Variants in LRRC4C observed in about 807,000 individuals in gnomAD.
LRRC4C encodes leucine-rich repeat-containing protein 4C.
In LRRC4C, 5 loss-of-function variants were observed where a neutral mutation model predicts 33.6. That is an observed-to-expected ratio of 0.15 (90% CI 0.08 to 0.31). The LOEUF is 0.31. Ranked by LOEUF, LRRC4C falls within the 10% of genes least tolerant of loss-of-function variation. The pLI is 1.00. For synonymous variants in LRRC4C, 329 were observed against 302.0 expected, an observed-to-expected ratio of 1.09 and a Z score of -0.93; for missense variants, 560 against 796.7, an observed-to-expected ratio of 0.70 and a Z score of 3.58.
intron 1 of LRRC4C, among the ~76,000 whole-genome samples, chr11:41,406,706 CCACA>C (rs112867786): frequency 0.035 from 4,887 of 138,208 alleles, 96 homozygotes; most frequent in South Asian, 0.072. Context: ...TACACATTCA[CCACA>C]CACACACACA....
At chr11:40,365,627 AT>A (rs140543276) in intron 3 of LRRC4C, among the ~76,000 whole-genome samples, 1 of 151,762 alleles carries the variant, frequency 6.6e-6, no homozygotes, top group Non-Finnish European at 1.5e-5. Context: ...AGGGCTAAAC[AT>A]TTTTTTTAAA....
intron 5 of LRRC4C, among the ~76,000 whole-genome samples, chr11:40,240,224 G>GA (rs1865840690): frequency 6.6e-6 from 1 of 151,908 alleles, no homozygotes; most frequent in Non-Finnish European, 1.5e-5. Flanking sequence ...AACACAAAAA[G>GA]AAAAAAGATT....
At chr11:40,214,311 C>T (rs1863820120) in intron 5 of LRRC4C, among the ~76,000 whole-genome samples, 1 of 152,074 alleles carries the variant, frequency 6.6e-6, no homozygotes, top group African/African-American at 2.4e-5. Flanking sequence ...GGATTATATA[C>T]CTGGGATCCA....
At chr11:40,502,794 CTTGGTTTATTTCTCTGTCTTCATCAAAG>C (rs1211136261) in intron 3 of LRRC4C, among the ~76,000 whole-genome samples, 9 of 152,186 alleles carry the variant, frequency 5.9e-5, no homozygotes, top group African/African-American at 2.2e-4. Context: ...TTGATCACGA[CTTGGTTTATTTCTCTGTCTTCATCAAAG>C]TTATAGGTAA....
intron 1 of LRRC4C, among the ~76,000 whole-genome samples, chr11:41,447,640 T>G: frequency 6.6e-6 from 1 of 152,176 alleles, no homozygotes; most frequent in East Asian, 1.9e-4. Context: ...AAGGTCGTAA[T>G]ACCCATTAAT....
At chr11:40,968,252 G>T (rs1257817383) in intron 1 of LRRC4C, among the ~76,000 whole-genome samples, 1 of 152,078 alleles carries the variant, frequency 6.6e-6, no homozygotes, top group Non-Finnish European at 1.5e-5. Flanking sequence ...AAGACTAAGA[G>T]AGTTGAAGAA....
At chr11:41,393,509 A>G (rs1402932551) in intron 1 of LRRC4C, among the ~76,000 whole-genome samples, 2 of 151,840 alleles carry the variant, frequency 1.3e-5, no homozygotes, top group Non-Finnish European at 2.9e-5. Flanking sequence ...GAGAGCAGCA[A>G]TCACTCTTTC....
chr11:40,213,659 A>G (rs1863771705), intron 5 of LRRC4C, among the ~76,000 whole-genome samples: 1 of 152,158 alleles, frequency 6.6e-6, no homozygotes, highest in Non-Finnish European at 1.5e-5. Context: ...ATATAGATAT[A>G]TCTACATCTG....
intron 2 of LRRC4C, among the ~76,000 whole-genome samples, chr11:40,667,867 C>T (rs1565617597): frequency 6.6e-6 from 1 of 152,258 alleles, no homozygotes; most frequent in South Asian, 2.1e-4. Context: ...TAAGCTGTGC[C>T]CGGACTCTGA....
At chr11:40,203,823 T>G (rs540281652) in intron 5 of LRRC4C, among the ~76,000 whole-genome samples, 1 of 152,232 alleles carries the variant, frequency 6.6e-6, no homozygotes, top group Admixed American at 6.5e-5. Flanking sequence ...GATAAATATC[T>G]AAATGAATGG....
intron 1 of LRRC4C, among the ~76,000 whole-genome samples, chr11:41,200,258 T>A (rs1459962212): frequency 6.6e-6 from 1 of 152,154 alleles, no homozygotes. Context: ...TCTAAATACT[T>A]TTTTGACAAA....
Position 40,487,721 on chromosome 11 carries a change from C to G in LRRC4C, c.-270+160421G>C, listed in dbSNP as rs374592765. Reference sequence around the variant, plus strand: ...GGAATTTATATAAATGGTCAACTTACGTAAAACCCTTTATATAATCGTTAA... The same window carrying G: ...GGAATTTATATAAATGGTCAACTTAGGTAAAACCCTTTATATAATCGTTAA... On this transcript the variant is annotated intron_variant, in intron 3 of 6. Transcript: ENST00000528697. Among the ~76,000 whole-genome samples, 17 of 152,054 alleles carry G rather than the reference C, an allele frequency of 1.1e-4. 1 individual carries two copies. The highest frequency in any genetic ancestry group is 1.1e-3 in the Admixed American group (17 of 15,236).
At chr11:41,173,255 G>C (rs1019041846) in intron 1 of LRRC4C, among the ~76,000 whole-genome samples, 4 of 152,078 alleles carry the variant, frequency 2.6e-5, no homozygotes, top group Non-Finnish European at 4.4e-5. Flanking sequence ...GGACTAACCC[G>C]CAGCTCTTTG....
At chr11:40,648,875 A>G (rs777527928) in intron 2 of LRRC4C, among the ~76,000 whole-genome samples, 24 of 152,104 alleles carry the variant, frequency 1.6e-4, no homozygotes, top group Non-Finnish European at 4.4e-5. Flanking sequence ...GGAATTTCAC[A>G]CCTGGGCCTC....
chr11:40,224,026 A>T (rs1864608905), intron 5 of LRRC4C, among the ~76,000 whole-genome samples: 1 of 152,208 alleles, frequency 6.6e-6, no homozygotes, highest in Admixed American at 6.5e-5. Context: ...TAAAGCTTAA[A>T]AGTACCTTTG....
chr11:40,405,924 C>T (rs1239549407), intron 3 of LRRC4C, among the ~76,000 whole-genome samples: 1 of 151,778 alleles, frequency 6.6e-6, no homozygotes, highest in Non-Finnish European at 1.5e-5. Flanking sequence ...CAAGAGCTCT[C>T]TATCCACAGT....
intron 4 of LRRC4C, among the ~76,000 whole-genome samples, chr11:40,258,203 T>A (rs1010955357): frequency 6.6e-6 from 1 of 152,172 alleles, no homozygotes; most frequent in Non-Finnish European, 1.5e-5. Flanking sequence ...GCTCAACTCC[T>A]TGGTCTTCAC....
intron 2 of LRRC4C, among the ~76,000 whole-genome samples, chr11:40,685,135 A>T (rs920561560): frequency 3.0e-4 from 45 of 152,026 alleles, no homozygotes; most frequent in African/African-American, 1.1e-3. Flanking sequence ...AATCAGATTG[A>T]CCTGCTAAAA....
intron 1 of LRRC4C, among the ~76,000 whole-genome samples, chr11:41,346,469 C>T (rs1265858597): frequency 6.6e-6 from 1 of 152,122 alleles, no homozygotes; most frequent in Non-Finnish European, 1.5e-5. Flanking sequence ...CTACCTGGTC[C>T]CATTTTCTGT....
Sources: gnomAD v4.1 joint callset for allele counts (sites outside exome capture counted in the v4.1 genomes callset) on GRCh38, gnomAD v4.1.1 for gene constraint, MANE v1.5 for transcripts, NCBI Gene and HGNC (gene_info 2026-07-23, HGNC 2026-07-21) for gene names.